DLGAP2: variants seen among roughly 807,000 people sequenced by gnomAD.
The protein encoded by DLGAP2 is DLG associated protein 2, also known as disks large-associated protein 2.
DLGAP2 carries 26 observed loss-of-function variants against 100.3 expected under a neutral mutation model. The observed-to-expected ratio is 0.26, with a 90% confidence interval of 0.19 to 0.36. The LOEUF is 0.36. Ranked by LOEUF, DLGAP2 falls within the 10% of genes least tolerant of loss-of-function variation. The pLI is 1.00. For missense variants in DLGAP2, 1,858 were observed against 1,453.2 expected, an observed-to-expected ratio of 1.28 and a Z score of -4.53; for synonymous variants, 886 against 630.1, an observed-to-expected ratio of 1.41 and a Z score of -6.08.
At chr8:880,979 C>G (rs1407351118) in intron 1 of DLGAP2, among the ~76,000 whole-genome samples, 1 of 152,210 alleles carries the variant, frequency 6.6e-6, no homozygotes, top group Non-Finnish European at 1.5e-5. Flanking sequence ...ATCTCCAGGA[C>G]TTGCACAACA....
rs1363523093 is a variant in DLGAP2 at position 1,626,189 on chromosome 8, T to C, written c.1443-551T>C. Among the ~76,000 whole-genome samples, 11 of 123,024 alleles carry C rather than the reference T, an allele frequency of 8.9e-5. 1 individual carries two copies. Among genetic ancestry groups the C allele is most frequent in the East Asian group, 2.8e-4 (1 of 3,546 alleles). 80.7% of individuals were successfully genotyped at this position (123,024 alleles called of 152,430 possible). ...GACGGCTGTTCCCATCTCTACCCTG[T>C]GGCGGGTGCTCAGCCTCTGGGTGTG... On this transcript the variant is annotated intron_variant, in intron 6 of 14. Coordinates refer to ENST00000637795, the MANE Select transcript of DLGAP2 (RefSeq NM_001346810.2).
At chr8:1,506,413 A>T (rs995720060) in intron 4 of DLGAP2, among the ~76,000 whole-genome samples, 6 of 152,138 alleles carry the variant, frequency 3.9e-5, no homozygotes, top group African/African-American at 1.4e-4. Context: ...GTTCCTTTTA[A>T]TGTTCAGACG....
chr8:1,663,603 G>T (rs1417864417), intron 8 of DLGAP2, among the ~76,000 whole-genome samples: 1 of 152,164 alleles, frequency 6.6e-6, no homozygotes, highest in Non-Finnish European at 1.5e-5. Context: ...TTGCAGGAAA[G>T]GACCGAGAAG....
chr8:1,248,828 G>C (rs1027626813), intron 2 of DLGAP2: 1 of 152,454 alleles, frequency 6.6e-6, no homozygotes, highest in Non-Finnish European at 1.5e-5. Flanking sequence ...GTTTTCAGTG[G>C]AGTGTTGGAG....
intron 4 of DLGAP2, among the ~76,000 whole-genome samples, chr8:1,511,186 A>G (rs1800148231): frequency 6.6e-6 from 1 of 151,564 alleles, no homozygotes; most frequent in Admixed American, 6.6e-5. Flanking sequence ...ATAGATGACC[A>G]TCTTCCATGG....
chr8:1,288,486 G>A (rs1799989063), intron 3 of DLGAP2, among the ~76,000 whole-genome samples: 1 of 40,166 alleles, frequency 2.5e-5, no homozygotes, highest in African/African-American at 1.2e-4. Context: ...TCAGTTCAGT[G>A]TGTGTGTGTG....
At position 891,129 on chromosome 8, in the gene DLGAP2, AC is replaced by A. The variant is rs143905782; in HGVS notation, c.19-16773del. 4.2e-3 allele frequency: 507 copies of A among 119,630 alleles called. 2 individuals carry two copies. Among genetic ancestry groups the A allele is most frequent in the East Asian group, 0.016 (64 of 4,030 alleles). 7.4% of individuals were successfully genotyped at this position (119,630 alleles called of 1,614,324 possible). ...GTGAGGAATTCGGGGTAAATAAGGC[AC>A]CCCCCCCCCAGTTGCCAAGGCCAAG... On this transcript the variant is annotated intron_variant, in intron 1 of 14. Coordinates refer to ENST00000637795, the MANE Select transcript of DLGAP2 (RefSeq NM_001346810.2).
At chr8:1,285,006 C>G (rs181391132) in intron 3 of DLGAP2, among the ~76,000 whole-genome samples, 1 of 152,206 alleles carries the variant, frequency 6.6e-6, no homozygotes, top group Non-Finnish European at 1.5e-5. Flanking sequence ...ACCTGCATCC[C>G]GATTTATTTC....
chr8:961,474 A>C (rs1799723974), intron 2 of DLGAP2, among the ~76,000 whole-genome samples: 1 of 152,118 alleles, frequency 6.6e-6, no homozygotes, highest in African/African-American at 2.4e-5. Flanking sequence ...TCTTTCTTTA[A>C]GGTGTGTACT....
rs555549308 is a variant in DLGAP2 at position 997,730 on chromosome 8, A to G, written c.73+89764A>G. Among the ~76,000 whole-genome samples the G allele has an allele frequency of 2.0e-5, 3 of 152,342 alleles. No homozygotes were observed. In the East Asian group the frequency reaches 5.8e-4, roughly 29 times the overall value. The stretch of plus-strand genomic sequence containing the variant: ...AGAAAGAGAAAATTTAAAACAATAT[A>G]ATTTTTGAAAAATGAAAGTACTATT... On this transcript the variant is annotated intron_variant, in intron 2 of 14. Coordinates refer to ENST00000637795, the MANE Select transcript of DLGAP2 (RefSeq NM_001346810.2).
intron 7 of DLGAP2, among the ~76,000 whole-genome samples, chr8:1,632,065 AG>A (rs772553242): frequency 2.9e-5 from 4 of 139,740 alleles, no homozygotes; most frequent in African/African-American, 1.1e-4. Context: ...TCTGAATGGG[AG>A]GGGGTGAGGG....
intron 2 of DLGAP2, among the ~76,000 whole-genome samples, chr8:960,971 T>C (rs1799712152): frequency 6.6e-6 from 1 of 152,232 alleles, no homozygotes; most frequent in Admixed American, 6.5e-5. Flanking sequence ...CAAAAAGTAA[T>C]TGTGCTGCCA....
intron 2 of DLGAP2, among the ~76,000 whole-genome samples, chr8:1,161,625 A>G (rs1049549826): frequency 7.2e-5 from 11 of 152,232 alleles, no homozygotes; most frequent in Non-Finnish European, 1.0e-4. Context: ...CCCTGGAGTC[A>G]TGCACATGGT....
rs560833796 is a variant in DLGAP2, at chr8:1,482,331, G to C, written c.107-19035G>C. On this transcript the variant is annotated intron_variant, in intron 3 of 14. Coordinates refer to ENST00000637795, the MANE Select transcript of DLGAP2 (RefSeq NM_001346810.2). ...CCGTGGTCAACGCTGCACGAGGCTT[G>C]CCTTCCTCAGAGTTCTAATCTCCAC... Among the ~76,000 whole-genome samples the C allele has an allele frequency of 2.0e-5, 3 of 152,318 alleles. No homozygotes were observed. The East Asian group carries it at 5.8e-4, about 29-fold the overall frequency.
At chr8:1,271,686 G>T (rs1482455266) in intron 3 of DLGAP2, among the ~76,000 whole-genome samples, 1 of 152,264 alleles carries the variant, frequency 6.6e-6, no homozygotes, top group Admixed American at 6.5e-5. Context: ...ACAGGGTAGA[G>T]TGGTGTCTGC....
chr8:1,213,947 G>T (rs4492405), intron 2 of DLGAP2, among the ~76,000 whole-genome samples: 5 of 151,956 alleles, frequency 3.3e-5, no homozygotes, highest in Admixed American at 3.3e-4. Flanking sequence ...TGAGGTTGAC[G>T]GTGTAATTTC....
intron 1 of DLGAP2, among the ~76,000 whole-genome samples, chr8:797,134 A>C (rs1249166431): frequency 1.3e-5 from 2 of 152,208 alleles, no homozygotes; most frequent in Non-Finnish European, 2.9e-5. Context: ...GAGTTTTGAC[A>C]ATTGAACACG....
chr8:1,060,329 CG>C (rs879392091), intron 2 of DLGAP2, among the ~76,000 whole-genome samples: 47,860 of 150,174 alleles, frequency 0.32, 8,856 homozygotes, highest in East Asian at 0.47. Context: ...GCCCTGAGGG[CG>C]TTGGTCCCTC....
At chr8:998,157 T>C (rs910323155) in intron 2 of DLGAP2, among the ~76,000 whole-genome samples, 1 of 151,910 alleles carries the variant, frequency 6.6e-6, no homozygotes, top group South Asian at 2.1e-4. Flanking sequence ...ACAACACACA[T>C]ACACACATGT....
Sources: allele counts gnomAD v4.1 joint callset (sites outside exome capture counted in the v4.1 genomes callset), GRCh38; gene constraint gnomAD v4.1.1; transcripts MANE v1.5; gene names NCBI Gene and HGNC (gene_info 2026-07-23, HGNC 2026-07-21).